Variants in PCDH11X observed in about 807,000 individuals in gnomAD.
PCDH11X encodes the protein protocadherin 11 X-linked.
Under a neutral mutation model 53.3 loss-of-function variants are expected in PCDH11X, and 18 were observed. That is an observed-to-expected ratio of 0.34 (90% CI 0.23 to 0.50). PCDH11X has a LOEUF of 0.50. PCDH11X is among the 20% of genes least tolerant of loss of function. The pLI is 0.98. For missense variants in PCDH11X, 570 were observed against 1,032.4 expected, an observed-to-expected ratio of 0.55 and a Z score of 6.14; for synonymous variants, 279 against 393.3, an observed-to-expected ratio of 0.71 and a Z score of 3.44.
intron 10 of PCDH11X, among the ~76,000 whole-genome samples, chrX:92,601,978 T>C (rs1343215016): frequency 8.9e-6 from 1 of 112,087 alleles, no homozygotes; most frequent in African/African-American, 3.2e-5. Flanking sequence ...TAGTTGCCCA[T>C]ACTCCAATTC....
chrX:91,965,177 T>C (rs2061847136), intron 6 of PCDH11X, among the ~76,000 whole-genome samples: 1 of 110,652 alleles, frequency 9.0e-6, no homozygotes, highest in African/African-American at 3.3e-5. Flanking sequence ...TGACTTATAA[T>C]GGAAGTGGGA....
intron 6 of PCDH11X, among the ~76,000 whole-genome samples, chrX:91,939,570 C>T (rs1224587542): frequency 9.2e-6 from 1 of 108,502 alleles, no homozygotes; most frequent in Non-Finnish European, 1.9e-5. Context: ...ATTGCTCAAA[C>T]TCAATGATAA....
intron 6 of PCDH11X, among the ~76,000 whole-genome samples, chrX:91,999,376 G>A (rs1392605845): frequency 9.0e-6 from 1 of 111,019 alleles, no homozygotes; most frequent in Non-Finnish European, 1.9e-5. Flanking sequence ...AGACTAGTGG[G>A]ATCAACCACC....
intron 8 of PCDH11X, among the ~76,000 whole-genome samples, chrX:92,339,419 A>G (rs1370005588): frequency 1.8e-5 from 2 of 112,107 alleles, no homozygotes; most frequent in African/African-American, 3.2e-5. Context: ...CCATTCTCGC[A>G]TTGCTATAAA....
chrX:91,912,086 C>A (rs945981386), intron 6 of PCDH11X, among the ~76,000 whole-genome samples: 8 of 111,650 alleles, frequency 7.2e-5, no homozygotes, highest in Non-Finnish European at 1.3e-4. Context: ...TCATTGTTCA[C>A]CATTGGCATA....
At chrX:91,999,494 A>G (rs1251179754) in intron 6 of PCDH11X, among the ~76,000 whole-genome samples, 1 of 111,440 alleles carries the variant, frequency 9.0e-6, no homozygotes, top group Non-Finnish European at 1.9e-5. Context: ...ATATGTCTGG[A>G]AAGAGGCCAC....
chrX:92,186,628 C>CAAAAAAA (rs34913850), intron 6 of PCDH11X, among the ~76,000 whole-genome samples: 2 of 63,488 alleles, frequency 3.2e-5, no homozygotes, highest in African/African-American at 1.3e-4. Flanking sequence ...AACTCCGTCT[C>CAAAAAAA]AAAAAAAAAA....
intron 6 of PCDH11X, among the ~76,000 whole-genome samples, chrX:92,178,871 CTA>C (rs1473606713): frequency 4.5e-5 from 5 of 111,581 alleles, no homozygotes; most frequent in African/African-American, 6.5e-5. Context: ...AGTTCAGAGA[CTA>C]TTTCAAAATT....
intron 6 of PCDH11X, among the ~76,000 whole-genome samples, chrX:92,018,415 T>A (rs753731786): frequency 4.7e-4 from 53 of 112,208 alleles, no homozygotes; most frequent in Non-Finnish European, 9.0e-4. Flanking sequence ...AACAGTTTTT[T>A]AAAAATTGAC....
intron 6 of PCDH11X, among the ~76,000 whole-genome samples, chrX:91,892,705 T>C (rs1416020281): frequency 3.2e-5 from 2 of 62,609 alleles, no homozygotes; most frequent in African/African-American, 1.5e-4. Context: ...CAAGAACACA[T>C]TTTTTTTTTT....
At chrX:92,090,082 A>C (rs1185762601) in intron 6 of PCDH11X, among the ~76,000 whole-genome samples, 4 of 110,811 alleles carry the variant, frequency 3.6e-5, no homozygotes, top group African/African-American at 1.3e-4. Flanking sequence ...TCGAATACCT[A>C]CTTCATTTAA....
chrX:92,391,352 CAT>C (rs2071124680), intron 9 of PCDH11X, among the ~76,000 whole-genome samples: 2 of 109,519 alleles, frequency 1.8e-5, no homozygotes, highest in Admixed American at 9.9e-5. Flanking sequence ...CATGGAGACA[CAT>C]GTGGCCCTGG....
At chrX:92,582,374 C>T (rs1923825656) in intron 10 of PCDH11X, among the ~76,000 whole-genome samples, 1 of 110,708 alleles carries the variant, frequency 9.0e-6, no homozygotes, top group South Asian at 3.9e-4. Flanking sequence ...CTAGCCATCG[C>T]TAAAAGGGAC....
At chrX:92,514,766 G>A (rs1433721678) in intron 10 of PCDH11X, among the ~76,000 whole-genome samples, 4 of 104,543 alleles carry the variant, frequency 3.8e-5, no homozygotes, top group Non-Finnish European at 5.9e-5. Flanking sequence ...TTAATCACCC[G>A]GCCGGGCGTG....
intron 1 of PCDH11X, among the ~76,000 whole-genome samples, chrX:91,806,563 T>C (rs1280388628): frequency 8.9e-6 from 1 of 112,924 alleles, no homozygotes; most frequent in East Asian, 2.8e-4. Flanking sequence ...ACACCCTGGT[T>C]ATGGGAATTT....
At chrX:92,299,577 G>A (rs1399367649) in intron 8 of PCDH11X, among the ~76,000 whole-genome samples, 1 of 111,326 alleles carries the variant, frequency 9.0e-6, no homozygotes, top group African/African-American at 3.3e-5. Flanking sequence ...TTTCTTTCAG[G>A]TTTTTTAGTT....
intron 5 of PCDH11X, among the ~76,000 whole-genome samples, chrX:91,853,939 A>G (rs1485696842): frequency 9.0e-6 from 1 of 110,916 alleles, no homozygotes; most frequent in Non-Finnish European, 1.9e-5. Context: ...TGATACAGAC[A>G]TGCAATTGTC....
At chrX:92,330,690 A>G (rs1157382931) in intron 8 of PCDH11X, among the ~76,000 whole-genome samples, 1 of 111,539 alleles carries the variant, frequency 9.0e-6, no homozygotes, top group Non-Finnish European at 1.9e-5. Flanking sequence ...TTAATAAACA[A>G]ATTGTAGCAA....
At chrX:92,238,160 TA>T (rs1280929077) in intron 7 of PCDH11X, among the ~76,000 whole-genome samples, 1 of 111,916 alleles carries the variant, frequency 8.9e-6, no homozygotes, top group Non-Finnish European at 1.9e-5. Context: ...GTTTGAAAAC[TA>T]AAAAAACTTT....
Sources: allele counts gnomAD v4.1 joint callset (sites outside exome capture counted in the v4.1 genomes callset), GRCh38; gene constraint gnomAD v4.1.1; transcripts MANE v1.5; gene names NCBI Gene and HGNC (gene_info 2026-07-23, HGNC 2026-07-21).